DOCK2: variants seen among roughly 807,000 people sequenced by gnomAD.
DOCK2 encodes dedicator of cytokinesis 2.
A neutral mutation model predicts 248.9 loss-of-function variants in DOCK2; 87 were observed. The observed-to-expected ratio is 0.35, with a 90% confidence interval of 0.29 to 0.42. DOCK2 has a LOEUF of 0.42. Ranked by LOEUF, DOCK2 falls within the 10% of genes least tolerant of loss-of-function variation. The pLI is 1.00. For synonymous variants in DOCK2, 805 were observed against 821.6 expected, an observed-to-expected ratio of 0.98 and a Z score of 0.35; for missense variants, 1,747 against 2,300.2, an observed-to-expected ratio of 0.76 and a Z score of 4.92.
chr5:169,925,387 C>T (rs1034463220), intron 27 of DOCK2, among the ~76,000 whole-genome samples: 1 of 152,100 alleles, frequency 6.6e-6, no homozygotes, highest in Non-Finnish European at 1.5e-5. Context: ...AAAGACCAGC[C>T]TGGCCAACAT....
chr5:169,791,924 T>C (rs1202162346), intron 25 of DOCK2, among the ~76,000 whole-genome samples: 1 of 152,206 alleles, frequency 6.6e-6, no homozygotes, highest in Non-Finnish European at 1.5e-5. Flanking sequence ...TTTAAAAAAA[T>C]ATGTTATAGT....
intron 27 of DOCK2, among the ~76,000 whole-genome samples, chr5:169,944,309 C>T (rs1385738230): frequency 6.6e-6 from 1 of 152,176 alleles, no homozygotes; most frequent in African/African-American, 2.4e-5. Flanking sequence ...GCAGTGTGGC[C>T]GGCACCTCAG....
chr5:169,944,649 TCAC>T (rs1024406626), intron 27 of DOCK2, among the ~76,000 whole-genome samples: 2 of 152,216 alleles, frequency 1.3e-5, no homozygotes, highest in African/African-American at 4.8e-5. Context: ...AATCCCCACT[TCAC>T]AATGATTGGG....
At chr5:170,067,264 G>C (rs1158460579) in intron 44 of DOCK2, among the ~76,000 whole-genome samples, 9 of 142,804 alleles carry the variant, frequency 6.3e-5, no homozygotes, top group Admixed American at 6.2e-4. Flanking sequence ...CACTCAGCAG[G>C]TACCTGACAC....
intron 27 of DOCK2, among the ~76,000 whole-genome samples, chr5:169,940,779 G>T (rs1054687345): frequency 6.6e-6 from 1 of 152,138 alleles, no homozygotes; most frequent in Non-Finnish European, 1.5e-5. Context: ...TACAGATAAA[G>T]CTTCACCCAC....
intron 26 of DOCK2, among the ~76,000 whole-genome samples, chr5:169,821,253 C>G (rs1274068844): frequency 6.6e-6 from 1 of 152,146 alleles, no homozygotes; most frequent in Non-Finnish European, 1.5e-5. Context: ...CACTCAAATT[C>G]CAGAAATACA....
At chr5:169,659,966 T>G (rs1429939128) in intron 2 of DOCK2, among the ~76,000 whole-genome samples, 1 of 152,226 alleles carries the variant, frequency 6.6e-6, no homozygotes, top group Non-Finnish European at 1.5e-5. Context: ...CTACTTCTTC[T>G]GTTTCCCCAG....
intron 27 of DOCK2, among the ~76,000 whole-genome samples, chr5:169,887,039 G>A (rs963574883): frequency 3.3e-5 from 5 of 152,230 alleles, no homozygotes; most frequent in African/African-American, 1.2e-4. Context: ...TTTATACCAA[G>A]TTATTCACAC....
chr5:169,910,020 T>C (rs1313745504), intron 27 of DOCK2, among the ~76,000 whole-genome samples: 1 of 152,196 alleles, frequency 6.6e-6, no homozygotes, highest in African/African-American at 2.4e-5. Flanking sequence ...GGTGCCTTTC[T>C]CTCAGCCATT....
intron 1 of DOCK2, among the ~76,000 whole-genome samples, chr5:169,647,115 A>G (rs1471894158): frequency 6.6e-6 from 1 of 152,244 alleles, no homozygotes; most frequent in African/African-American, 2.4e-5. Flanking sequence ...TAGAGCTGCC[A>G]TCATCCCCTT....
At chr5:169,972,449 T>G (rs909607225) in intron 27 of DOCK2, among the ~76,000 whole-genome samples, 4 of 150,992 alleles carry the variant, frequency 2.6e-5, no homozygotes, top group African/African-American at 9.8e-5. Flanking sequence ...TAGATGTCAG[T>G]AGCAACCTCT....
At chr5:170,044,301 C>G (rs542567174) in intron 38 of DOCK2, among the ~76,000 whole-genome samples, 1 of 152,184 alleles carries the variant, frequency 6.6e-6, no homozygotes, top group Non-Finnish European at 1.5e-5. Context: ...ATCTTTATAT[C>G]TGTTTCATTA....
intron 27 of DOCK2, among the ~76,000 whole-genome samples, chr5:169,946,169 G>A (rs1304749733): frequency 1.3e-5 from 2 of 152,200 alleles, no homozygotes; most frequent in Non-Finnish European, 2.9e-5. Flanking sequence ...CTTGACAGAG[G>A]AGGGGCCTCA....
Position 169,770,290 on chromosome 5 carries a change from C to CTTT in DOCK2, c.2554+8686_2554+8688dup, listed in dbSNP as rs60938799. ...ACCTAAGGTAACCACATTCTTGAGT[C>CTTT]TTTTTTTTTTTTTTTTTTTTTTTGA... On this transcript the variant is annotated intron_variant, in intron 25 of 51. Transcript: ENST00000520908. Among the ~76,000 whole-genome samples, 86 of 101,620 alleles carry CTTT rather than the reference C, an allele frequency of 8.5e-4. 1 individual carries two copies. The highest frequency in any genetic ancestry group is 1.4e-3 in the African/African-American group (35 of 25,018). 66.7% of individuals were successfully genotyped at this position (101,620 alleles called of 152,430 possible).
chr5:169,788,568 C>T (rs2113045955), intron 25 of DOCK2, among the ~76,000 whole-genome samples: 2 of 152,304 alleles, frequency 1.3e-5, no homozygotes, highest in Middle Eastern at 6.8e-3. Context: ...AATTTGTCCT[C>T]TTCTATCCTA....
At chr5:169,917,552 T>C (rs991134062) in intron 27 of DOCK2, among the ~76,000 whole-genome samples, 2 of 152,130 alleles carry the variant, frequency 1.3e-5, no homozygotes, top group African/African-American at 4.8e-5. Context: ...TCAAGAGAAG[T>C]GTAGGATAAA....
chr5:169,942,511 C>G (rs1376532935), intron 27 of DOCK2, among the ~76,000 whole-genome samples: 1 of 152,220 alleles, frequency 6.6e-6, no homozygotes, highest in Non-Finnish European at 1.5e-5. Context: ...TAAATTTGAA[C>G]TCATTTGCAA....
chr5:169,705,605 A>T (rs1761219719), intron 14 of DOCK2, among the ~76,000 whole-genome samples: 1 of 152,238 alleles, frequency 6.6e-6, no homozygotes, highest in African/African-American at 2.4e-5. Flanking sequence ...GGTAATCTAC[A>T]TAATAGGTGT....
intron 40 of DOCK2, among the ~76,000 whole-genome samples, chr5:170,048,283 T>C (rs566386665): frequency 1.3e-5 from 2 of 151,762 alleles, no homozygotes; most frequent in Admixed American, 6.6e-5. Flanking sequence ...TCCCAGCTAT[T>C]TGGGGCCTGA....
Sources: gnomAD v4.1 joint callset for allele counts (sites outside exome capture counted in the v4.1 genomes callset) on GRCh38, gnomAD v4.1.1 for gene constraint, MANE v1.5 for transcripts, NCBI Gene and HGNC (gene_info 2026-07-23, HGNC 2026-07-21) for gene names.